PBX1: variants seen among roughly 807,000 people sequenced by gnomAD.
The protein encoded by PBX1 is PBX homeobox 1.
A neutral mutation model predicts 53.4 loss-of-function variants in PBX1; 6 were observed. The observed-to-expected ratio is 0.11, with a 90% CI of 0.06 to 0.22. The LOEUF is 0.22. Ranked by LOEUF, PBX1 falls within the 10% of genes least tolerant of loss-of-function variation. The probability of loss-of-function intolerance (pLI) is 1.00; values close to 1 mark genes in which losing one functional copy is unlikely to be tolerated. For synonymous variants in PBX1, 204 were observed against 212.3 expected (o/e 0.96, Z 0.34); for missense variants, 251 against 551.4 (o/e 0.46, Z 5.46).
chr1:164,774,810 C>T (rs752185347), intron 2 of PBX1, among the ~76,000 whole-genome samples: 16 of 152,124 alleles, frequency 1.1e-4, no homozygotes, highest in South Asian at 2.1e-4. Context: ...ATTTTCTGTT[C>T]GTCCCCTGTA....
chr1:164,696,583 C>A (rs1418035888), intron 2 of PBX1, among the ~76,000 whole-genome samples: 1 of 152,142 alleles, frequency 6.6e-6, no homozygotes, highest in Non-Finnish European at 1.5e-5. Flanking sequence ...TTTGTAAGTT[C>A]TCTGATTTGT....
chr1:164,846,964 C>G lies in PBX1; in HGVS notation c.*288C>G. 1 of 1,258,024 alleles carries G rather than the reference C, an allele frequency of 7.9e-7. No individual in the cohort carries two copies. The highest frequency in any genetic ancestry group is 1.0e-6 in the Non-Finnish European group (1 of 995,478). 77.9% of individuals were successfully genotyped at this position (1,258,024 alleles called of 1,614,324 possible). A position where few individuals can be genotyped will look rare whatever the true frequency, so the allele number is the denominator to read the frequency against. On this transcript the variant is annotated 3_prime_UTR_variant, in exon 9 of 9. Transcript: ENST00000420696. ...GCCCCTGTGCCTCTGTCCTAGACTC[C>G]CGGGGTCCCCGCCCTCTCTCATATC... is the stretch of plus-strand genomic sequence containing the variant.
At chr1:164,660,597 A>G (rs565774656) in intron 2 of PBX1, among the ~76,000 whole-genome samples, 1 of 152,280 alleles carries the variant, frequency 6.6e-6, no homozygotes, top group African/African-American at 2.4e-5. Context: ...AGGGAGAAGG[A>G]AGTGGTTTTG....
At chr1:164,651,514 C>T (rs964407394) in intron 2 of PBX1, among the ~76,000 whole-genome samples, 17 of 152,216 alleles carry the variant, frequency 1.1e-4, no homozygotes, top group Non-Finnish European at 2.4e-4. Flanking sequence ...CTGCTCCCCA[C>T]CTCGTTACCA....
chr1:164,853,894 G>A (rs1347407718), downstream of PBX1, among the ~76,000 whole-genome samples: 1 of 151,588 alleles, frequency 6.6e-6, no homozygotes, highest in Non-Finnish European at 1.5e-5. Flanking sequence ...TTATAGATTA[G>A]ACTTCCACCA....
intron 2 of PBX1, among the ~76,000 whole-genome samples, chr1:164,789,140 C>T (rs1558008636): frequency 6.6e-6 from 1 of 152,158 alleles, no homozygotes; most frequent in Non-Finnish European, 1.5e-5. Context: ...CGGGTAGGGG[C>T]TTGCAGTTTA....
At chr1:164,863,882 C>T (rs1273765651) in intron 2 of PBX1, among the ~76,000 whole-genome samples, 1 of 152,190 alleles carries the variant, frequency 6.6e-6, no homozygotes, top group Admixed American at 6.5e-5. Flanking sequence ...CCCAGAGCAC[C>T]TGCACAGAGT....
intron 3 of PBX1, among the ~76,000 whole-genome samples, chr1:164,798,124 C>T (rs1019234055): frequency 2.0e-5 from 3 of 152,176 alleles, no homozygotes; most frequent in Admixed American, 6.5e-5. Flanking sequence ...AAAACCCAGG[C>T]CTCCCATTCA....
intron 8 of PBX1, among the ~76,000 whole-genome samples, chr1:164,839,269 A>T (rs962962874): frequency 3.3e-5 from 5 of 152,256 alleles, no homozygotes; most frequent in Admixed American, 2.0e-4. Flanking sequence ...CCTGCAAAAC[A>T]GTAAACTCCT....
chr1:164,721,962 A>C (rs1039967708), intron 2 of PBX1, among the ~76,000 whole-genome samples: 8 of 152,250 alleles, frequency 5.3e-5, no homozygotes, highest in African/African-American at 1.9e-4. Flanking sequence ...TAGTGAAAGA[A>C]ATAGAAAATA....
rs1553217611 is a variant in PBX1, at chr1:164,618,300, G to GGC, written c.265+54990_265+54991insCG. ...ACCCCAGGGAGAATAATCACGGCGG[G>GGC]GGGGGGGGGGCACTCAAGATGATCA... On this transcript the variant is annotated intron_variant, in intron 2 of 8. Transcript: ENST00000420696. Among the ~76,000 whole-genome samples, 3 of 43,754 alleles carry GGC rather than the reference G, an allele frequency of 6.9e-5. 1 individual carries two copies. The South Asian group carries it at 3.3e-3, about 48-fold the overall frequency. 28.7% of individuals were successfully genotyped at this position (43,754 alleles called of 152,430 possible).
intron 2 of PBX1, among the ~76,000 whole-genome samples, chr1:164,735,681 A>G (rs1302924055): frequency 3.3e-5 from 5 of 152,218 alleles, no homozygotes; most frequent in African/African-American, 1.2e-4. Context: ...CCCTAAGGCC[A>G]TTCCGTCAGT....
chr1:164,748,140 G>T (rs1240576247), intron 2 of PBX1, among the ~76,000 whole-genome samples: 1 of 152,162 alleles, frequency 6.6e-6, no homozygotes, highest in South Asian at 2.1e-4. Context: ...GATTTGAGAT[G>T]CAAAGTGTTA....
At chr1:164,649,428 C>T (rs1046628645) in intron 2 of PBX1, among the ~76,000 whole-genome samples, 1 of 152,114 alleles carries the variant, frequency 6.6e-6, no homozygotes, top group African/African-American at 2.4e-5. Context: ...AGTCTCTAAA[C>T]CTTAAACCCA....
intron 2 of PBX1, among the ~76,000 whole-genome samples, chr1:164,754,675 G>T (rs116080577): frequency 6.6e-6 from 1 of 152,092 alleles, no homozygotes; most frequent in Non-Finnish European, 1.5e-5. Context: ...GTGTACGTGC[G>T]TGCACGTGCG....
chr1:164,698,367 G>A (rs528048921), intron 2 of PBX1, among the ~76,000 whole-genome samples: 9 of 152,238 alleles, frequency 5.9e-5, no homozygotes, highest in East Asian at 3.9e-4. Flanking sequence ...AAGCAATTTC[G>A]TACATTGTAG....
At chr1:164,672,881 C>T (rs187239152) in intron 2 of PBX1, among the ~76,000 whole-genome samples, 273 of 152,232 alleles carry the variant, frequency 1.8e-3, no homozygotes, top group Non-Finnish European at 3.3e-3. Context: ...AATATGTAAC[C>T]ACTTCAAAGG....
intron 2 of PBX1, chr1:164,590,443 G>A (rs1229442853): frequency 4.4e-6 from 2 of 455,826 alleles, no homozygotes; most frequent in Non-Finnish European, 8.8e-6. Context: ...AGGTAAACAA[G>A]CTGCTCTGTG....
chr1:164,660,239 A>G (rs1401954881), intron 2 of PBX1, among the ~76,000 whole-genome samples: 6 of 152,230 alleles, frequency 3.9e-5, no homozygotes, highest in Non-Finnish European at 8.8e-5. Context: ...TTGAAATATA[A>G]GGGAATGTTG....
Sources: gnomAD v4.1 joint callset for allele counts (sites outside exome capture counted in the v4.1 genomes callset) on GRCh38, gnomAD v4.1.1 for gene constraint, MANE v1.5 for transcripts, NCBI Gene and HGNC (gene_info 2026-07-23, HGNC 2026-07-21) for gene names.